Variants in CBY1 observed in about 807,000 individuals in gnomAD.
CBY1 encodes the protein protein chibby homolog 1.
CBY1 carries 10 observed loss-of-function variants against 15.6 expected under a neutral mutation model. That is an observed-to-expected ratio of 0.64 (90% CI 0.40 to 1.09). The LOEUF (loss-of-function observed/expected upper bound fraction) is 1.09, where lower values mean the gene tolerates loss of function less well. Ranked by LOEUF, CBY1 falls within the 50% of genes least tolerant of loss-of-function variation. CBY1 has a pLI of 0.01. For missense variants in CBY1, 150 were observed against 160.5 expected, an observed-to-expected ratio of 0.93 and a Z score of 0.35; for synonymous variants, 61 against 63.5, an observed-to-expected ratio of 0.96 and a Z score of 0.19.
At chr22:38,671,209 G>T in intron 4 of CBY1, 21 bp downstream of exon 4, 1 of 1,540,058 alleles carries the variant, frequency 6.5e-7, no homozygotes, top group South Asian at 1.1e-5. Context: ...TGATGGGGAA[G>T]AGAGGCCTAG....
intron 1 of CBY1, 101 bp from the exon 2 acceptor site, chr22:38,667,916 G>A (rs1034485282): frequency 1.6e-5 from 10 of 640,750 alleles, no homozygotes; most frequent in Admixed American, 8.2e-5. Flanking sequence ...CACCAGGATC[G>A]TTAGTAGCCA....
At chr22:38,661,761 G>A (rs965667075) in intron 1 of CBY1, among the ~76,000 whole-genome samples, 5 of 152,008 alleles carry the variant, frequency 3.3e-5, no homozygotes, top group Non-Finnish European at 7.4e-5. Flanking sequence ...ATAAAACCTT[G>A]TTTCAAATAG....
At chr22:38,672,487 T>G (rs1445066141) in intron 4 of CBY1, among the ~76,000 whole-genome samples, 1 of 151,842 alleles carries the variant, frequency 6.6e-6, no homozygotes, top group Admixed American at 6.6e-5. Flanking sequence ...GGCTAATTTT[T>G]GCATTTTTAG....
chr22:38,663,697 CAAA>C (rs35974746), intron 1 of CBY1, among the ~76,000 whole-genome samples: 10 of 76,436 alleles, frequency 1.3e-4, no homozygotes, highest in Admixed American at 3.6e-4. Flanking sequence ...ACTCTGTCTC[CAAA>C]AAAAAAAAAA....
chr22:38,670,182 A>G (rs2145787037), intron 2 of CBY1: 1 of 152,398 alleles, frequency 6.6e-6, no homozygotes, highest in Admixed American at 6.5e-5. Flanking sequence ...GTGAGCCAAG[A>G]TTGTGCCACT....
rs188705486 is a variant in CBY1 at position 38,672,020 on chromosome 22, T to C, written c.303+832T>C. On this transcript the variant is annotated intron_variant, in intron 4 of 4. Transcript: ENST00000216029. ...GGCTCATGCCTGTAATCTTAGCATT[T>C]TGGGAGGCCAAGGTGGACGGGTCAC... 1.2e-3 allele frequency among the ~76,000 whole-genome samples: 187 copies of C among 152,040 alleles called. 4 individuals are homozygous for C. Among genetic ancestry groups the C allele is most frequent in the Admixed American group, 0.011 (174 of 15,274 alleles).
chr22:38,663,914 T>C (rs4821806), intron 1 of CBY1, among the ~76,000 whole-genome samples: 44,157 of 150,340 alleles, frequency 0.29, 6,559 homozygotes, highest in East Asian at 0.36. Flanking sequence ...CCCAGCTACT[T>C]GGGAGGTTGA....
chr22:38,661,667 G>GT lies in CBY1; in HGVS notation c.-39+4925dup, dbSNP rs34062432. 1.1e-4 allele frequency among the ~76,000 whole-genome samples: 16 copies of GT among 152,132 alleles called. 1 individual carries two copies. The East Asian group carries it at 1.9e-3, about 18-fold the overall frequency. On this transcript the variant is annotated intron_variant, in intron 1 of 4. Transcript: ENST00000216029. ...CTCCCTTAATGAAAACAGCCTGGAA[G>GT]TTTTTTTTCCTGTTCTCATTGGATA...
chr22:38,670,829 G>A, intron 2 of CBY1, 55 bp from the exon 3 acceptor site: 3 of 1,132,380 alleles, frequency 2.6e-6, no homozygotes, highest in Non-Finnish European at 4.0e-6. Flanking sequence ...AGAGGAGCTG[G>A]GATGAAGGCG....
At chr22:38,667,993 A>G (rs1434952965) in intron 1 of CBY1, 24 bp from the exon 2 acceptor site, 17 of 1,346,972 alleles carry the variant, frequency 1.3e-5, no homozygotes, top group Non-Finnish European at 1.5e-5. Context: ...AGCTGCTTGT[A>G]CCCCTGACTT....
intron 1 of CBY1, among the ~76,000 whole-genome samples, chr22:38,662,832 C>T (rs752806259): frequency 6.6e-6 from 1 of 152,098 alleles, no homozygotes; most frequent in Non-Finnish European, 1.5e-5. Flanking sequence ...ACAATACAAG[C>T]ACTAATCATT....
chr22:38,662,840 A>G (rs1200025533), intron 1 of CBY1, among the ~76,000 whole-genome samples: 1 of 152,134 alleles, frequency 6.6e-6, no homozygotes, highest in East Asian at 1.9e-4. Flanking sequence ...AGCACTAATC[A>G]TTAAGAAATA....
intron 4 of CBY1, among the ~76,000 whole-genome samples, chr22:38,672,362 C>T (rs989495148): frequency 6.6e-6 from 1 of 151,746 alleles, no homozygotes; most frequent in African/African-American, 2.4e-5. Context: ...GCTCTGTAGC[C>T]TGGGCTGGAG....
intron 1 of CBY1, chr22:38,666,653 A>T (rs1285899961): frequency 6.6e-6 from 1 of 152,100 alleles, no homozygotes; most frequent in African/African-American, 2.4e-5. Flanking sequence ...GAGCACTGTT[A>T]TCAATCTGGA....
intron 4 of CBY1, among the ~76,000 whole-genome samples, chr22:38,672,219 G>A (rs370502369): frequency 9.3e-5 from 14 of 150,892 alleles, no homozygotes; most frequent in African/African-American, 2.9e-4. Flanking sequence ...CTGAGATCGC[G>A]CCACTGTACT....
chr22:38,659,861 CA>C (rs71197126), intron 1 of CBY1, among the ~76,000 whole-genome samples: 322 of 68,388 alleles, frequency 4.7e-3, no homozygotes, highest in African/African-American at 0.016. Context: ...GACTCTGTCT[CA>C]AAAAAAAAAA....
intron 1 of CBY1, among the ~76,000 whole-genome samples, chr22:38,659,424 T>A (rs576861558): frequency 4.6e-4 from 70 of 150,556 alleles, no homozygotes; most frequent in African/African-American, 1.6e-3. Flanking sequence ...AATTTTTGTA[T>A]TTTTTAGTAG....
intron 2 of CBY1, among the ~76,000 whole-genome samples, chr22:38,669,485 C>T (rs1178658841): frequency 6.6e-6 from 1 of 152,196 alleles, no homozygotes; most frequent in Non-Finnish European, 1.5e-5. Flanking sequence ...AGAAAAACAT[C>T]AAATCCCTGC....
At chr22:38,667,021 T>G (rs540198459) in intron 1 of CBY1, among the ~76,000 whole-genome samples, 4 of 151,422 alleles carry the variant, frequency 2.6e-5, no homozygotes, top group Admixed American at 1.3e-4. Flanking sequence ...TTTATTTTTT[T>G]TTTTTTAGAG....
Sources: gnomAD v4.1 joint callset for allele counts (sites outside exome capture counted in the v4.1 genomes callset) on GRCh38, gnomAD v4.1.1 for gene constraint, MANE v1.5 for transcripts, NCBI Gene and HGNC (gene_info 2026-07-23, HGNC 2026-07-21) for gene names.